GTF2IRD1: variants seen among roughly 807,000 people sequenced by gnomAD.
GTF2IRD1 encodes general transcription factor II-I repeat domain-containing protein 1.
A neutral mutation model predicts 113.2 loss-of-function variants in GTF2IRD1; 26 were observed. The observed-to-expected ratio is 0.23, with a 90% CI of 0.17 to 0.32. GTF2IRD1 has a LOEUF of 0.32. GTF2IRD1 is among the 10% of genes least tolerant of loss of function. GTF2IRD1 has a pLI of 1.00. For missense variants in GTF2IRD1, 864 were observed against 1,280.8 expected (o/e 0.67, Z 4.97); for synonymous variants, 484 against 529.1 (o/e 0.91, Z 1.17).
chr7:74,590,004 C>A, intron 23 of GTF2IRD1, 76 bp downstream of exon 23: 1 of 943,728 alleles, frequency 1.1e-6, no homozygotes, highest in Non-Finnish European at 1.7e-6. Flanking sequence ...CTGCAGCCAG[C>A]CTGGCTTTCA....
chr7:74,597,846 G>A (rs1583993735), intron 25 of GTF2IRD1, among the ~76,000 whole-genome samples: 1 of 152,084 alleles, frequency 6.6e-6, no homozygotes, highest in African/African-American at 2.4e-5. Context: ...TGGGCCACAC[G>A]GCCCAGTATG....
In GTF2IRD1 at chr7:74,555,449, G is replaced by A. The variant is rs373532545; in HGVS notation, c.1978G>A (p.Gly660Arg). 54 of 1,613,406 alleles carry A rather than the reference G, an allele frequency of 3.3e-5. No homozygotes were observed. The highest frequency in any genetic ancestry group is 4.0e-5 in the African/African-American group (3 of 74,866). The change falls in exon 19 of 27, where the codon GGG (glycine) becomes AGG (arginine). Residue 660 changes from glycine to arginine, a missense_variant. Gly to Arg is a moderately radical substitution (Grantham distance 125, BLOSUM62 -2). Transcript: ENST00000424337. This position sits in a 1 kb window ranked among gnomAD's most constrained non-coding sequence, Gnocchi z 5.3. ...PIMDSQERDS[G>R]DPLVDESLKR... ...TGCCCTGCCCCCAGAGAGGGATTCCGGGGACCCTCTGGTGGACGAGAGCCT... is the reference window on the plus strand; with the variant it reads ...TGCCCTGCCCCCAGAGAGGGATTCCAGGGACCCTCTGGTGGACGAGAGCCT...
intron 25 of GTF2IRD1, among the ~76,000 whole-genome samples, chr7:74,596,892 C>A (rs1802450093): frequency 6.6e-6 from 1 of 151,798 alleles, no homozygotes; most frequent in Non-Finnish European, 1.5e-5. Flanking sequence ...GGCTGTGGAC[C>A]AAAAAGGTTT....
At chr7:74,471,282 T>A (rs982806498) in intron 1 of GTF2IRD1, among the ~76,000 whole-genome samples, 5 of 151,102 alleles carry the variant, frequency 3.3e-5, no homozygotes, top group Non-Finnish European at 5.9e-5. Flanking sequence ...ATGCCTGTAA[T>A]CCCAGCACTT....
intron 1 of GTF2IRD1, among the ~76,000 whole-genome samples, chr7:74,503,123 T>G (rs1161739755): frequency 6.7e-6 from 1 of 149,072 alleles, no homozygotes; most frequent in African/African-American, 2.5e-5. Context: ...ACTGAAATCA[T>G]GCCACTGCAC....
intron 17 of GTF2IRD1, among the ~76,000 whole-genome samples, chr7:74,554,867 GGAGGCCACCT>G (rs1252018203): frequency 6.6e-6 from 1 of 152,084 alleles, no homozygotes; most frequent in Non-Finnish European, 1.5e-5. Context: ...CAGCTCCACG[GGAGGCCACCT>G]GAGGCCACCT....
At chr7:74,537,019 G>A (rs1798335270) in intron 11 of GTF2IRD1, among the ~76,000 whole-genome samples, 1 of 152,184 alleles carries the variant, frequency 6.6e-6, no homozygotes, top group Non-Finnish European at 1.5e-5. Context: ...GCTGAGATGG[G>A]AGGATTGCTT....
intron 17 of GTF2IRD1, among the ~76,000 whole-genome samples, chr7:74,548,940 A>G (rs1453831426): frequency 6.6e-6 from 1 of 151,824 alleles, no homozygotes; most frequent in Non-Finnish European, 1.5e-5. Flanking sequence ...TGGGAGGATC[A>G]TATTTCCATT....
chr7:74,548,189 G>A (rs587773011), intron 17 of GTF2IRD1, among the ~76,000 whole-genome samples: 203 of 152,146 alleles, frequency 1.3e-3, no homozygotes, highest in Non-Finnish European at 2.2e-3. Flanking sequence ...AGGCTGAGGC[G>A]GGTGGATCAC....
rs587718225 is a variant in GTF2IRD1, at chr7:74,543,369, A to T, written c.1619-1386A>T. 5.3e-5 allele frequency among the ~76,000 whole-genome samples: 8 copies of T among 152,320 alleles called. No individual in the cohort carries two copies. The East Asian group carries it at 1.5e-3, about 29-fold the overall frequency. On this transcript the variant is annotated intron_variant, in intron 14 of 26. Coordinates refer to ENST00000424337, the MANE Select transcript of GTF2IRD1 (RefSeq NM_005685.4). ...ACATCTGTAATCCCAGCTACTCAGG[A>T]GGCTGAGGCAGGAGAATCGCTTGAA...
chr7:74,512,874 C>T lies in GTF2IRD1; in HGVS notation c.168C>T (p.Ala56=), dbSNP rs1357457224. The T allele has an allele frequency of 1.1e-5, 17 of 1,613,958 alleles. No individual in the cohort carries two copies. The highest frequency in any genetic ancestry group is 2.7e-5 in the African/African-American group (2 of 74,918). Residue 56 remains alanine, a synonymous_variant, in exon 3 of 27, where the codon GCC becomes GCT. Transcript: ENST00000424337. The surrounding 1 kb of genome is among the most constrained non-coding windows in gnomAD (Gnocchi z 4.4). ...TGAACGCCGAGGTGGCCTGTGTCGC[C>T]GTGCACGATGAGAGCGCCTTTGTGG... ...SKLNAEVACV[A]VHDESAFVVG... is the part of the protein sequence containing the mutation.
chr7:74,571,958 G>A (rs1172581621), intron 22 of GTF2IRD1, among the ~76,000 whole-genome samples: 4 of 152,202 alleles, frequency 2.6e-5, no homozygotes, highest in African/African-American at 9.6e-5. Flanking sequence ...GAGAAGCTCA[G>A]CTGTGGGTGA....
intron 22 of GTF2IRD1, among the ~76,000 whole-genome samples, chr7:74,578,743 C>A (rs1244589379): frequency 6.6e-6 from 1 of 152,146 alleles, no homozygotes; most frequent in Non-Finnish European, 1.5e-5. Context: ...TGTCTGTAAA[C>A]CCAGCACTGT....
At chr7:74,511,090 G>A (rs1333174644) in intron 2 of GTF2IRD1, among the ~76,000 whole-genome samples, 1 of 152,072 alleles carries the variant, frequency 6.6e-6, no homozygotes, top group African/African-American at 2.4e-5. Flanking sequence ...CAGTGGTCTA[G>A]TGAGTGTTTC....
intron 7 of GTF2IRD1, among the ~76,000 whole-genome samples, 179 bp from the exon 8 acceptor site, chr7:74,523,892 G>A (rs1005462601): frequency 1.3e-5 from 2 of 152,114 alleles, no homozygotes; most frequent in Admixed American, 6.5e-5. Context: ...ACGGGCAGAC[G>A]GGGGACCATC....
intron 22 of GTF2IRD1, among the ~76,000 whole-genome samples, chr7:74,582,362 G>C (rs1424883020): frequency 1.3e-5 from 2 of 152,220 alleles, no homozygotes; most frequent in Admixed American, 6.5e-5. Flanking sequence ...TGCCTCTGGT[G>C]CACTCACAGT....
intron 17 of GTF2IRD1, among the ~76,000 whole-genome samples, chr7:74,549,996 C>T (rs1257917510): frequency 1.9e-4 from 28 of 150,926 alleles, no homozygotes; most frequent in African/African-American, 6.6e-4. Flanking sequence ...GAGATCACGC[C>T]GTTGCACTCC....
At chr7:74,554,784 C>T (rs1248671531) in intron 17 of GTF2IRD1, among the ~76,000 whole-genome samples, 1 of 152,172 alleles carries the variant, frequency 6.6e-6, no homozygotes, top group Non-Finnish European at 1.5e-5. Flanking sequence ...GTGATCTGCC[C>T]TCCTCGGCCT....
At chr7:74,496,484 T>A (rs1795714681) in intron 1 of GTF2IRD1, among the ~76,000 whole-genome samples, 1 of 87,690 alleles carries the variant, frequency 1.1e-5, no homozygotes, top group African/African-American at 6.4e-5. Flanking sequence ...GGTGTGCACG[T>A]ATGTGTGTGT....
Sources: allele counts gnomAD v4.1 joint callset (sites outside exome capture counted in the v4.1 genomes callset), GRCh38; gene constraint gnomAD v4.1.1; non-coding constraint Gnocchi (gnomAD v3.1); transcripts MANE v1.5; gene names NCBI Gene and HGNC (gene_info 2026-07-23, HGNC 2026-07-21).